Variants in PDE3B observed in about 807,000 individuals in gnomAD.
PDE3B encodes the protein phosphodiesterase 3B.
Under a neutral mutation model 116.8 loss-of-function variants are expected in PDE3B, and 66 were observed. The ratio of observed to expected loss-of-function variants is 0.56; its 90% CI spans 0.46 to 0.69. The LOEUF is 0.69. Ranked by LOEUF, PDE3B falls within the 30% of genes least tolerant of loss-of-function variation. PDE3B has a pLI of 0.00. For synonymous variants in PDE3B, 595 were observed against 533.6 expected (o/e 1.12, Z -1.59); for missense variants, 1,384 against 1,368.1 (o/e 1.01, Z -0.18).
At chr11:14,854,327 G>T (rs568869865) in intron 12 of PDE3B, among the ~76,000 whole-genome samples, 1 of 152,074 alleles carries the variant, frequency 6.6e-6, no homozygotes, top group Non-Finnish European at 1.5e-5. Context: ...TTCCTGGAGT[G>T]GGTATTAGTA....
At chr11:14,891,168 G>A in the PDE3B span, 10 of 985,318 alleles carry the variant, frequency 1.0e-5, no homozygotes, top group African/African-American at 1.6e-4. Flanking sequence ...AGCGGTGGTC[G>A]CCTTTTCCGC....
chr11:14,806,155 G>A (rs892944817), intron 5 of PDE3B, among the ~76,000 whole-genome samples: 8 of 152,126 alleles, frequency 5.3e-5, no homozygotes, highest in Admixed American at 5.2e-4. Context: ...TATACCCAAA[G>A]GATTGTAAAT....
chr11:14,831,108 T>C (rs1859869827), intron 8 of PDE3B, among the ~76,000 whole-genome samples: 1 of 151,766 alleles, frequency 6.6e-6, no homozygotes, highest in African/African-American at 2.4e-5. Flanking sequence ...TATATTATTT[T>C]CTATTCTGAT....
chr11:14,734,605 A>T (rs764424699), intron 1 of PDE3B, among the ~76,000 whole-genome samples: 1 of 152,188 alleles, frequency 6.6e-6, no homozygotes, highest in Non-Finnish European at 1.5e-5. Context: ...AATATGAAGT[A>T]TATTAATTGA....
At chr11:14,695,977 G>A (rs552367360) in intron 1 of PDE3B, among the ~76,000 whole-genome samples, 1 of 152,200 alleles carries the variant, frequency 6.6e-6, no homozygotes, top group Non-Finnish European at 1.5e-5. Context: ...GTGAACATAT[G>A]TGTGCATGTA....
chr11:14,689,447 C>A (rs530147669), intron 1 of PDE3B, among the ~76,000 whole-genome samples: 5 of 152,034 alleles, frequency 3.3e-5, no homozygotes, highest in Non-Finnish European at 7.4e-5. Flanking sequence ...GGAATTCATG[C>A]AGACCACAAG....
chr11:14,672,452 A>T (rs573373756), intron 1 of PDE3B, among the ~76,000 whole-genome samples: 1 of 152,190 alleles, frequency 6.6e-6, no homozygotes, highest in Admixed American at 6.6e-5. Flanking sequence ...ACAATGTTTT[A>T]TTAGGGGTGA....
intron 7 of PDE3B, among the ~76,000 whole-genome samples, chr11:14,830,372 G>A (rs1859838495): frequency 6.6e-6 from 1 of 151,972 alleles, no homozygotes; most frequent in Non-Finnish European, 1.5e-5. Flanking sequence ...CAGAGATGTT[G>A]GAAATTGTTT....
chr11:14,690,146 T>C (rs147901201), intron 1 of PDE3B, among the ~76,000 whole-genome samples: 3 of 152,298 alleles, frequency 2.0e-5, no homozygotes, highest in African/African-American at 7.2e-5. Flanking sequence ...ACGTGTCCTA[T>C]AATGCATCAC....
Position 14,846,534 on chromosome 11 carries a change from T to C in PDE3B, c.2520+2508T>C, listed in dbSNP as rs1379559116. Among the ~76,000 whole-genome samples, 1,422 of 150,932 alleles carry C rather than the reference T, an allele frequency of 9.4e-3. 20 individuals are homozygous for C. The highest frequency in any genetic ancestry group is 0.033 in the African/African-American group (1,348 of 40,962). ...TGGACTAAATGCTCCAATTAAAAGA[T>C]ACAGACTGGCAAATTGGATAAAGAG... On this transcript the variant is annotated intron_variant, in intron 12 of 15. Transcript: ENST00000282096.
At chr11:14,751,591 A>G (rs1387997613) in intron 1 of PDE3B, among the ~76,000 whole-genome samples, 1 of 152,184 alleles carries the variant, frequency 6.6e-6, no homozygotes, top group Non-Finnish European at 1.5e-5. Flanking sequence ...CAAGCATGAA[A>G]CAAGGACAGT....
In PDE3B at chr11:14,660,710, C is replaced by T. The variant is rs561063423; in HGVS notation, c.978+15657C>T. On this transcript the variant is annotated intron_variant, in intron 1 of 15. Transcript: ENST00000282096. ...TCTTTAGGGCTAATAGGAATAGCTT[C>T]TGAAGTGCTTATAATAGCTGCTTCG... Among the ~76,000 whole-genome samples, 5 of 152,274 alleles carry T rather than the reference C, an allele frequency of 3.3e-5. No homozygotes were observed. In the South Asian group the frequency reaches 8.3e-4, roughly 25 times the overall value.
chr11:14,831,807 G>A, intron 9 of PDE3B, 30 bp downstream of exon 9: 3 of 1,527,796 alleles, frequency 2.0e-6, no homozygotes, highest in Non-Finnish European at 2.7e-6. Context: ...CTTTTTAACT[G>A]TAAATTAATT....
intron 12 of PDE3B, among the ~76,000 whole-genome samples, chr11:14,851,362 T>A (rs999358369): frequency 6.6e-6 from 1 of 152,176 alleles, no homozygotes; most frequent in Non-Finnish European, 1.5e-5. Flanking sequence ...TTTTCTGTTT[T>A]TCTTTTTTTT....
At chr11:14,848,909 G>T (rs553625082) in intron 12 of PDE3B, among the ~76,000 whole-genome samples, 26 of 152,298 alleles carry the variant, frequency 1.7e-4, no homozygotes, top group African/African-American at 6.3e-4. Flanking sequence ...TGGCCTTACT[G>T]CCCAAGGTAA....
At chr11:14,668,150 C>T (rs1854241423) in intron 1 of PDE3B, among the ~76,000 whole-genome samples, 1 of 151,934 alleles carries the variant, frequency 6.6e-6, no homozygotes, top group African/African-American at 2.4e-5. Flanking sequence ...CAATATTGGA[C>T]ATTATCTACT....
At chr11:14,783,950 C>T (rs1305047636) in intron 2 of PDE3B, among the ~76,000 whole-genome samples, 1 of 152,168 alleles carries the variant, frequency 6.6e-6, no homozygotes, top group Non-Finnish European at 1.5e-5. Flanking sequence ...GGCAGATGAG[C>T]ATTACCACCT....
At chr11:14,832,651 A>T in intron 9 of PDE3B, 71 bp from the exon 10 acceptor site, 1 of 601,234 alleles carries the variant, frequency 1.7e-6, no homozygotes, top group South Asian at 2.5e-5. Context: ...TACAAATCAC[A>T]AAAACATTAT....
chr11:14,851,863 C>T (rs1021977463), intron 12 of PDE3B, among the ~76,000 whole-genome samples: 2 of 152,118 alleles, frequency 1.3e-5, no homozygotes, highest in African/African-American at 4.8e-5. Flanking sequence ...TCTTAGATTT[C>T]TGATTGCCCA....
Sources: allele counts gnomAD v4.1 joint callset (sites outside exome capture counted in the v4.1 genomes callset), GRCh38; gene constraint gnomAD v4.1.1; transcripts MANE v1.5; gene names NCBI Gene and HGNC (gene_info 2026-07-23, HGNC 2026-07-21).